MED15: variants seen among roughly 807,000 people sequenced by gnomAD.
MED15 encodes mediator of RNA polymerase II transcription subunit 15.
Under a neutral mutation model 118.7 loss-of-function variants are expected in MED15, and 41 were observed. That is an observed-to-expected ratio of 0.35 (90% CI 0.27 to 0.45). MED15 has a LOEUF of 0.45. MED15 is among the 20% of genes least tolerant of loss of function. The pLI is 1.00. For synonymous variants in MED15, 436 were observed against 413.9 expected (o/e 1.05, Z -0.65); for missense variants, 740 against 1,025.5 (o/e 0.72, Z 3.80).
chr22:20,551,182 A>G (rs1313189717), intron 2 of MED15: 1 of 647,966 alleles, frequency 1.5e-6, no homozygotes, highest in Admixed American at 2.1e-5. Flanking sequence ...GTGCCTTTCC[A>G]TCAGGGGAGA....
At chr22:20,562,141 A>G (rs2056266747) in intron 5 of MED15, among the ~76,000 whole-genome samples, 1 of 152,186 alleles carries the variant, frequency 6.6e-6, no homozygotes, top group Non-Finnish European at 1.5e-5. Context: ...AGCCTGGGTG[A>G]CAGAGCAAAA....
Position 20,582,662 on chromosome 22 carries a change from G to A in MED15, c.1324G>A (p.Val442Met), listed in dbSNP as rs1472741116. Reference sequence around the variant, plus strand: ...GTCCTCGCCGTCACCGGGCCAGCAGGTGCAGACCCCGCAGTCGATGCCCCC... The same window carrying A: ...GTCCTCGCCGTCACCGGGCCAGCAGATGCAGACCCCGCAGTCGATGCCCCC... ...MLSSPSPGQQ[V>M]QTPQSMPPPP... Residue 442 changes from valine to methionine, a missense_variant, in exon 10 of 18, where the codon GTG (valine) becomes ATG (methionine). By Grantham distance (21) the Val-to-Met change is conservative. This residue lies in a region of MED15 where 384 missense variants were observed against 506.3 expected (regional missense o/e 0.76). Transcript: ENST00000263205. 6.3e-7 allele frequency: 1 copy of A among 1,593,512 alleles called. No homozygotes were observed. Among genetic ancestry groups the A allele is most frequent in the Non-Finnish European group, 8.5e-7 (1 of 1,176,306 alleles).
chr22:20,536,907 C>G (rs979050543), intron 1 of MED15, among the ~76,000 whole-genome samples: 2 of 152,214 alleles, frequency 1.3e-5, no homozygotes, highest in African/African-American at 2.4e-5. Context: ...TTTCCTGTCC[C>G]TTTTTTCTGA....
chr22:20,585,572 C>T, intron 16 of MED15, 156 bp from the exon 17 acceptor site: 4 of 748,040 alleles, frequency 5.3e-6, no homozygotes, highest in East Asian at 2.7e-5. Flanking sequence ...CCAGGCTTCA[C>T]GTTTGGAAAT....
intron 3 of MED15, chr22:20,552,515 A>C (rs1174783851): frequency 2.3e-6 from 1 of 443,080 alleles, no homozygotes; most frequent in South Asian, 1.7e-5. Context: ...ATGCGCTGGC[A>C]GACTCCGCAT....
chr22:20,536,989 C>G, intron 1 of MED15, 128 bp from the exon 2 acceptor site: 1 of 742,612 alleles, frequency 1.3e-6, no homozygotes, highest in Non-Finnish European at 2.2e-6. Context: ...TGGACCTCAG[C>G]CAGGCTGGTG....
intron 5 of MED15, among the ~76,000 whole-genome samples, chr22:20,558,770 C>T (rs916811448): frequency 1.3e-5 from 2 of 152,128 alleles, no homozygotes; most frequent in African/African-American, 2.4e-5. Flanking sequence ...CCATACCCCC[C>T]AGAAGCAGGT....
At chr22:20,556,708 T>C (rs1164920363) in intron 5 of MED15, among the ~76,000 whole-genome samples, 6 of 152,192 alleles carry the variant, frequency 3.9e-5, no homozygotes, top group Admixed American at 3.9e-4. Context: ...ACAATTGGCA[T>C]GCGGAGCCGT....
chr22:20,510,317 C>T (rs186895757), intron 1 of MED15, among the ~76,000 whole-genome samples: 6 of 152,028 alleles, frequency 3.9e-5, no homozygotes, highest in Non-Finnish European at 7.4e-5. Flanking sequence ...ACCCGGGAGG[C>T]GGAGGTTGCA....
rs548984452 is a variant in MED15 at position 20,557,094 on chromosome 22, A to C, written c.451+1946A>C. The stretch of plus-strand genomic sequence containing the variant: ...ATCTGTGTACAGGCTTCAGTGCTTC[A>C]ATATATTTTTGTCACACATCCCTCA... On this transcript the variant is annotated intron_variant, in intron 5 of 17. Transcript: ENST00000263205. Among the ~76,000 whole-genome samples the C allele has an allele frequency of 3.3e-5, 5 of 152,242 alleles. No homozygotes were observed. In the East Asian group the frequency reaches 5.8e-4, roughly 18 times the overall value.
intron 1 of MED15, among the ~76,000 whole-genome samples, chr22:20,517,541 G>A (rs961111057): frequency 2.0e-5 from 3 of 152,084 alleles, no homozygotes; most frequent in Admixed American, 1.3e-4. Context: ...CCCCCACCCC[G>A]CTGCTCTTTT....
At chr22:20,578,737 C>T (rs1483837104) in intron 9 of MED15, among the ~76,000 whole-genome samples, 1 of 152,246 alleles carries the variant, frequency 6.6e-6, no homozygotes, top group African/African-American at 2.4e-5. Context: ...CACTGTCCCT[C>T]CAGCCACTTG....
chr22:20,567,499 G>C lies in MED15; in HGVS notation c.1041+682G>C, dbSNP rs145245798. Among the ~76,000 whole-genome samples, 611 of 152,242 alleles carry C rather than the reference G, an allele frequency of 4.0e-3. 6 individuals carry two copies. The highest frequency in any genetic ancestry group is 0.014 in the African/African-American group (597 of 41,534). On this transcript the variant is annotated intron_variant, in intron 7 of 17. Coordinates refer to ENST00000263205, the MANE Select transcript of MED15 (RefSeq NM_001003891.3). ...GTGGAATGGGGCCTGAGGCAAGTGT[G>C]GGGGTGAACAAGAGGCCTCATAGGC...
intron 2 of MED15, among the ~76,000 whole-genome samples, chr22:20,540,771 T>G (rs1197795255): frequency 1.3e-5 from 2 of 152,046 alleles, no homozygotes; most frequent in Non-Finnish European, 2.9e-5. Flanking sequence ...AATTAAAAAC[T>G]TGTACATCAT....
chr22:20,534,000 C>T (rs1178090636), intron 1 of MED15, among the ~76,000 whole-genome samples: 5 of 152,312 alleles, frequency 3.3e-5, no homozygotes, highest in South Asian at 2.1e-4. Context: ...CTCTCAAAAA[C>T]GGCCAGTAGC....
At chr22:20,541,642 C>G (rs2055317590) in intron 2 of MED15, among the ~76,000 whole-genome samples, 2 of 134,808 alleles carry the variant, frequency 1.5e-5, no homozygotes, top group Non-Finnish European at 3.1e-5. Context: ...CACCATCACA[C>G]CCAGCTAATT....
chr22:20,518,924 C>T, intron 1 of MED15: 1 of 449,026 alleles, frequency 2.2e-6, no homozygotes, highest in Non-Finnish European at 4.5e-6. Flanking sequence ...GTGATTGTGG[C>T]TCACTGCAAC....
chr22:20,571,145 C>G (rs2056649117), intron 8 of MED15, among the ~76,000 whole-genome samples: 1 of 152,226 alleles, frequency 6.6e-6, no homozygotes, highest in Admixed American at 6.5e-5. Context: ...GCAGGCCCAG[C>G]TGGTATGTTC....
At chr22:20,569,533 G>A (rs2056566763) in intron 8 of MED15, among the ~76,000 whole-genome samples, 2 of 152,162 alleles carry the variant, frequency 1.3e-5, no homozygotes, top group Non-Finnish European at 2.9e-5. Context: ...GCAGCGCCTG[G>A]GTGCACAGTG....
Sources: gnomAD v4.1 joint callset for allele counts (sites outside exome capture counted in the v4.1 genomes callset) on GRCh38, gnomAD v4.1.1 for gene constraint, gnomAD v4.1.1 regional missense constraint, MANE v1.5 for transcripts, NCBI Gene and HGNC (gene_info 2026-07-23, HGNC 2026-07-21) for gene names.